Variants in USH2A observed in about 807,000 individuals in gnomAD.
The protein encoded by USH2A is usherin, also known as Usher syndrome 2A (autosomal recessive, mild).
In USH2A, 443 loss-of-function variants were observed where a neutral mutation model predicts 538.9. That is an observed-to-expected ratio of 0.82 (90% CI 0.76 to 0.89). The LOEUF (loss-of-function observed/expected upper bound fraction) is 0.89, where lower values mean the gene tolerates loss of function less well. Among genes scored for constraint, USH2A ranks in the 40% least tolerant of loss-of-function variants. The pLI, the probability that USH2A is intolerant of heterozygous loss-of-function variation, is 0.00. For synonymous variants in USH2A, 2,413 were observed against 2,273.5 expected (o/e 1.06, Z -1.75); for missense variants, 6,633 against 6,324.8 (o/e 1.05, Z -1.65).
intron 30 of USH2A, among the ~76,000 whole-genome samples, chr1:216,058,019 T>C (rs553415652): frequency 6.6e-5 from 10 of 152,334 alleles, no homozygotes; most frequent in Non-Finnish European, 1.2e-4. Flanking sequence ...ACTTCTAAAA[T>C]ATGTCTTTAA....
At chr1:216,215,591 T>C (rs2035327865) in intron 15 of USH2A, among the ~76,000 whole-genome samples, 2 of 152,116 alleles carry the variant, frequency 1.3e-5, no homozygotes, top group South Asian at 4.1e-4. Context: ...AGTTGTCTCA[T>C]TTGTTTCTAA....
intron 3 of USH2A, among the ~76,000 whole-genome samples, chr1:216,382,848 G>C (rs2038943736): frequency 6.6e-6 from 1 of 151,906 alleles, no homozygotes; most frequent in Admixed American, 6.6e-5. Flanking sequence ...TATGTATCTT[G>C]GACATAAAAG....
chr1:215,888,943 T>G lies in USH2A; in HGVS notation c.7706A>C (p.Tyr2569Ser), dbSNP rs1424050389. ...SNGVITHYNI[Y>S]LHGRLYLRTP... ...TCTCAAGTATAGACGGCCATGTAGA[T>G]AAATGTTATAATGGGTAATAACCCC... The change falls in exon 41 of 72, where the codon TAT becomes TCT. Residue 2569 changes from tyrosine to serine, a missense_variant. Physicochemically the swap from Tyr to Ser is moderately radical, Grantham distance 144 (BLOSUM62 -2). Coordinates refer to ENST00000307340, the MANE Select transcript of USH2A (RefSeq NM_206933.4). 1 of 1,614,174 alleles carries G rather than the reference T, an allele frequency of 6.2e-7. No individual in the cohort carries two copies. Among genetic ancestry groups the G allele is most frequent in the South Asian group, 1.1e-5 (1 of 91,090 alleles).
At chr1:215,685,163 T>C (rs1658375956) in intron 61 of USH2A, among the ~76,000 whole-genome samples, 1 of 152,160 alleles carries the variant, frequency 6.6e-6, no homozygotes, top group South Asian at 2.1e-4. Flanking sequence ...TATGTCGTAA[T>C]GTAGACAAAT....
intron 3 of USH2A, among the ~76,000 whole-genome samples, chr1:216,388,910 A>T (rs2102743597): frequency 6.6e-6 from 1 of 152,340 alleles, no homozygotes; most frequent in East Asian, 1.9e-4. Flanking sequence ...TTAACAGAAA[A>T]TGGAAACTAC....
chr1:216,133,222 T>A (rs2033413007), intron 21 of USH2A, among the ~76,000 whole-genome samples: 1 of 152,120 alleles, frequency 6.6e-6, no homozygotes, highest in Non-Finnish European at 1.5e-5. Context: ...TTTAACACAA[T>A]ATTTTCTAAA....
intron 32 of USH2A, among the ~76,000 whole-genome samples, chr1:216,036,859 T>C (rs1005922769): frequency 1.6e-4 from 24 of 152,058 alleles, no homozygotes; most frequent in Admixed American, 6.6e-4. Flanking sequence ...GTTGTACTGA[T>C]TTACTCTCCC....
At chr1:216,156,081 G>C (rs1278563043) in intron 21 of USH2A, among the ~76,000 whole-genome samples, 2 of 152,020 alleles carry the variant, frequency 1.3e-5, no homozygotes, top group Non-Finnish European at 2.9e-5. Flanking sequence ...GATGGCCCTT[G>C]CATGATCTGG....
At chr1:216,136,972 C>T (rs541980462) in intron 21 of USH2A, among the ~76,000 whole-genome samples, 87 of 152,218 alleles carry the variant, frequency 5.7e-4, no homozygotes, top group African/African-American at 2.1e-3. Flanking sequence ...TTTAAGCTAC[C>T]TGATGCAGTC....
chr1:216,250,863 G>T (rs1458114902), intron 12 of USH2A, 40 bp downstream of exon 12: 3 of 1,599,024 alleles, frequency 1.9e-6, no homozygotes, highest in Non-Finnish European at 2.6e-6. Context: ...ATTCCAGATG[G>T]TAATAGAGAT....
chr1:215,884,571 G>T (rs551984511), intron 41 of USH2A, among the ~76,000 whole-genome samples: 9 of 152,236 alleles, frequency 5.9e-5, no homozygotes, highest in Non-Finnish European at 1.3e-4. Context: ...GTTGTAGTAA[G>T]AATTAAATGA....
At chr1:215,687,243 G>A (rs1383567425) in intron 61 of USH2A, among the ~76,000 whole-genome samples, 1 of 152,114 alleles carries the variant, frequency 6.6e-6, no homozygotes, top group Non-Finnish European at 1.5e-5. Context: ...TATAACAATT[G>A]TAAATTTCAA....
At chr1:215,959,948 C>A (rs992791851) in intron 37 of USH2A, among the ~76,000 whole-genome samples, 1 of 152,096 alleles carries the variant, frequency 6.6e-6, no homozygotes, top group African/African-American at 2.4e-5. Flanking sequence ...AAACAATTCG[C>A]AGAGGACTCC....
In USH2A at chr1:216,078,313, G is replaced by A. The variant is rs1468814731; in HGVS notation, c.5348C>T (p.Ala1783Val). The A allele has an allele frequency of 1.2e-6, 2 of 1,613,516 alleles. No individual in the cohort carries two copies. Among genetic ancestry groups the A allele is most frequent in the South Asian group, 1.1e-5 (1 of 91,080 alleles). Residue 1783 changes from alanine (A) to valine (V), a missense_variant, in exon 27 of 72, where the codon GCC (alanine) becomes GTC (valine). Ala to Val is a moderately conservative substitution (Grantham distance 64, BLOSUM62 0). Coordinates refer to ENST00000307340, the MANE Select transcript of USH2A (RefSeq NM_206933.4). ...CAGCAATAGATCCACTTGTGTAAAG[G>A]CAAGACTGGTATTTAACCGGAAGGT... ...ILTFRLNTSLAFTQVDLLLGL... is the reference protein window; with the variant it reads ...ILTFRLNTSLVFTQVDLLLGL...
chr1:215,798,680 C>T (rs184464579), intron 50 of USH2A, among the ~76,000 whole-genome samples: 180 of 151,976 alleles, frequency 1.2e-3, no homozygotes, highest in Middle Eastern at 3.4e-3. Context: ...AGGACATGAC[C>T]TTTTCAAGAG....
At chr1:216,390,263 C>T (rs958956476) in intron 3 of USH2A, among the ~76,000 whole-genome samples, 4 of 152,076 alleles carry the variant, frequency 2.6e-5, no homozygotes, top group Non-Finnish European at 5.9e-5. Flanking sequence ...TTCACCTAGT[C>T]AAATAAAGGG....
intron 21 of USH2A, among the ~76,000 whole-genome samples, chr1:216,104,004 A>C (rs1160043894): frequency 6.6e-6 from 1 of 152,212 alleles, no homozygotes; most frequent in Non-Finnish European, 1.5e-5. Flanking sequence ...CTCTAAGTTA[A>C]ACATATACCT....
At chr1:216,251,665 C>A (rs1300780387) in intron 11 of USH2A, among the ~76,000 whole-genome samples, 1 of 151,984 alleles carries the variant, frequency 6.6e-6, no homozygotes. Context: ...TGGTCTTGAT[C>A]TCTTGACCTC....
At position 215,741,436 on chromosome 1, in the gene USH2A, C is replaced by G. The variant is rs1315594529; in HGVS notation, c.11650G>C (p.Glu3884Gln). The G allele has an allele frequency of 6.2e-7, 1 of 1,613,848 alleles. No homozygotes were observed. The highest frequency in any genetic ancestry group is 1.3e-5 in the African/African-American group (1 of 74,856). Residue 3884 changes from glutamate (E) to glutamine (Q), a missense_variant, in exon 60 of 72, where the codon GAG becomes CAG. Physicochemically the swap from Glu to Gln is conservative, Grantham distance 29 (BLOSUM62 2). Coordinates refer to ENST00000307340, the MANE Select transcript of USH2A (RefSeq NM_206933.4). ...TTTTCAGGTGGCATCCACTTAATCT[C>G]TATGCAAGCTGACCCCAGTGCCTTA... ...VLKALGSACI[E>Q]IKWMPPEKPN...
Sources: gnomAD v4.1 joint callset for allele counts (sites outside exome capture counted in the v4.1 genomes callset) on GRCh38, gnomAD v4.1.1 for gene constraint, MANE v1.5 for transcripts, NCBI Gene and HGNC (gene_info 2026-07-23, HGNC 2026-07-21) for gene names.